EPB41L5: variants seen among roughly 807,000 people sequenced by gnomAD.
The protein encoded by EPB41L5 is band 4.1-like protein 5.
EPB41L5 carries 55 observed loss-of-function variants against 106.6 expected under a neutral mutation model. That is an observed-to-expected ratio of 0.52 (90% confidence interval 0.42 to 0.65). The LOEUF is 0.65. EPB41L5 is among the 30% of genes least tolerant of loss of function. The pLI is 0.00. For synonymous variants in EPB41L5, 297 were observed against 306.7 expected, an observed-to-expected ratio of 0.97 and a Z score of 0.33; for missense variants, 871 against 882.1, an observed-to-expected ratio of 0.99 and a Z score of 0.16.
intron 3 of EPB41L5, among the ~76,000 whole-genome samples, chr2:120,054,865 CTTTTT>C (rs34163490): frequency 1.5e-5 from 2 of 129,796 alleles, no homozygotes; most frequent in South Asian, 2.3e-4. Flanking sequence ...CATATATACA[CTTTTT>C]TTTTTTTTTT....
At chr2:120,084,975 A>G (rs1468238854) in intron 10 of EPB41L5, among the ~76,000 whole-genome samples, 1 of 152,130 alleles carries the variant, frequency 6.6e-6, no homozygotes, top group Non-Finnish European at 1.5e-5. Context: ...TTTCAGCTCC[A>G]TCAGGTCATT....
In EPB41L5 at chr2:120,052,846, A is replaced by G. The variant is rs115243812; in HGVS notation, c.285+10736A>G. Among the ~76,000 whole-genome samples, 1,161 of 152,354 alleles carry G rather than the reference A, an allele frequency of 7.6e-3. 17 individuals carry two copies. Among genetic ancestry groups the G allele is most frequent in the African/African-American group, 0.026 (1,071 of 41,586 alleles). ...CTCTCTCTCGAATACCATGAATACC[A>G]TAACTTCAACACCCATAAATAATTG... On this transcript the variant is annotated intron_variant, in intron 3 of 24. Transcript: ENST00000263713.
chr2:120,124,655 AT>A (rs1424016712), intron 16 of EPB41L5, among the ~76,000 whole-genome samples: 1 of 152,096 alleles, frequency 6.6e-6, no homozygotes, highest in East Asian at 1.9e-4. Context: ...ACCTATTAAG[AT>A]TTTCCCAAAT....
intron 1 of EPB41L5, among the ~76,000 whole-genome samples, chr2:120,014,127 G>A (rs1039596089): frequency 6.6e-6 from 1 of 152,122 alleles, no homozygotes; most frequent in African/African-American, 2.4e-5. Flanking sequence ...ACCTTAAATG[G>A]CATTTGCTGT....
At chr2:120,021,556 G>T (rs1574467998) in intron 2 of EPB41L5, among the ~76,000 whole-genome samples, 1 of 151,442 alleles carries the variant, frequency 6.6e-6, no homozygotes, top group African/African-American at 2.4e-5. Flanking sequence ...CAGGAGAATC[G>T]CTTGAACCCA....
chr2:120,087,980 T>C (rs1464816794), intron 11 of EPB41L5, among the ~76,000 whole-genome samples: 1 of 152,218 alleles, frequency 6.6e-6, no homozygotes, highest in Non-Finnish European at 1.5e-5. Context: ...TCCATTTATC[T>C]GATACTTTAG....
intron 23 of EPB41L5, 100 bp downstream of exon 23, chr2:120,167,607 T>A: frequency 1.5e-6 from 2 of 1,298,702 alleles, no homozygotes; most frequent in Non-Finnish European, 2.2e-6. Context: ...ACATGAGGGT[T>A]GTTATCAAAG....
chr2:120,029,024 A>C (rs757913030), intron 2 of EPB41L5, among the ~76,000 whole-genome samples: 10 of 152,186 alleles, frequency 6.6e-5, no homozygotes, highest in Non-Finnish European at 1.5e-4. Context: ...AAGTGCCTGA[A>C]GGGAAAACGC....
At chr2:120,018,742 G>A (rs191241318) in intron 1 of EPB41L5, among the ~76,000 whole-genome samples, 1 of 152,076 alleles carries the variant, frequency 6.6e-6, no homozygotes, top group Non-Finnish European at 1.5e-5. Flanking sequence ...GACTGCCTGG[G>A]GTCAAGTGAT....
intron 16 of EPB41L5, among the ~76,000 whole-genome samples, chr2:120,123,405 G>T (rs1558891595): frequency 6.6e-6 from 1 of 152,068 alleles, no homozygotes; most frequent in Non-Finnish European, 1.5e-5. Context: ...TTGATCACTT[G>T]TTTTAGAAAG....
intron 2 of EPB41L5, among the ~76,000 whole-genome samples, chr2:120,033,008 G>A (rs112849237): frequency 1.2e-3 from 179 of 152,220 alleles, no homozygotes; most frequent in Middle Eastern, 0.01. Flanking sequence ...GTATTGTTAA[G>A]TGCGTAATGA....
At chr2:120,151,859 G>A (rs916041231) in intron 20 of EPB41L5, among the ~76,000 whole-genome samples, 5 of 146,722 alleles carry the variant, frequency 3.4e-5, no homozygotes, top group East Asian at 2.1e-4. Flanking sequence ...TCAGGTAATC[G>A]GCCCGCCTCG....
Position 120,053,709 on chromosome 2 carries a change from CATTTT to C in EPB41L5, c.285+11604_285+11608del, listed in dbSNP as rs1377856325. Among the ~76,000 whole-genome samples, 13 of 152,234 alleles carry C rather than the reference CATTTT, an allele frequency of 8.5e-5. No homozygotes were observed. In the East Asian group the frequency reaches 2.5e-3, roughly 29 times the overall value. ...AATATTCTATTGTATGAATATATCACATTTTATTTACTCATCCATTGATGGACATT... is the reference window on the plus strand; with the variant it reads ...AATATTCTATTGTATGAATATATCACATTTACTCATCCATTGATGGACATT... On this transcript the variant is annotated intron_variant, in intron 3 of 24. Transcript: ENST00000263713.
chr2:120,076,916 G>A lies in EPB41L5; in HGVS notation c.506-55G>A, dbSNP rs973687950. 3 of 1,473,296 alleles carry A rather than the reference G, an allele frequency of 2.0e-6. No individual in the cohort carries two copies. The African/African-American group carries it at 4.3e-5, about 21-fold the overall frequency. 91.3% of individuals were successfully genotyped at this position (1,473,296 alleles called of 1,614,324 possible). On this transcript the variant is annotated intron_variant, in intron 7 of 24. Transcript: ENST00000263713. ...CTTAGCAGTTTTCATTAATGAAATG[G>A]TTTTTGAAGGATTTAGCAGGAAATA...
chr2:120,019,149 G>A lies in EPB41L5; in HGVS notation c.65G>A (p.Arg22Gln), dbSNP rs764171210. 13 of 1,613,842 alleles carry A rather than the reference G, an allele frequency of 8.1e-6. No homozygotes were observed. Among genetic ancestry groups the A allele is most frequent in the South Asian group, 2.2e-5 (2 of 91,056 alleles). The change falls in exon 2 of 25, where the codon CGA becomes CAA. Residue 22 changes from arginine (R) to glutamine (Q), a missense_variant. Transcript: ENST00000263713. ...ATGCGTAAACATGCAGAGAAGGAAC[G>A]ACTCCGAGAAGCACAACGCGCCGCC... ...RSMRKHAEKERLREAQRAATH... is the reference protein window; with the variant it reads ...RSMRKHAEKEQLREAQRAATH...
intron 3 of EPB41L5, among the ~76,000 whole-genome samples, chr2:120,069,128 CAAAAAAAAAAAAAAAAA>C (rs539813602): frequency 3.0e-4 from 24 of 79,554 alleles, no homozygotes; most frequent in South Asian, 9.8e-4. Context: ...AACTCTGTCT[CAAAAAAAAAAAAAAAAA>C]AAAAAAAAAA....
At position 120,060,516 on chromosome 2, in the gene EPB41L5, G is replaced by T. The variant is rs557775332; in HGVS notation, c.286-12662G>T. 3.3e-5 allele frequency among the ~76,000 whole-genome samples: 5 copies of T among 152,216 alleles called. No homozygotes were observed. The South Asian group carries it at 1.0e-3, about 32-fold the overall frequency. On this transcript the variant is annotated intron_variant, in intron 3 of 24. Coordinates refer to ENST00000263713, the MANE Select transcript of EPB41L5 (RefSeq NM_020909.4). The stretch of plus-strand genomic sequence containing the variant: ...ATAGGAAATAAAGCCAGTATCAAAA[G>T]GTTATATATTATATGATTCTATGTA...
At chr2:120,079,221 T>G (rs1682467372) in intron 10 of EPB41L5, among the ~76,000 whole-genome samples, 1 of 152,174 alleles carries the variant, frequency 6.6e-6, no homozygotes, top group Non-Finnish European at 1.5e-5. Context: ...CAAAGACCTC[T>G]GGCATCAAAC....
chr2:120,023,363 A>G (rs1678073050), intron 2 of EPB41L5, among the ~76,000 whole-genome samples: 1 of 151,982 alleles, frequency 6.6e-6, no homozygotes, highest in Non-Finnish European at 1.5e-5. Context: ...TTTGTGTAAG[A>G]TGTTAAGGAA....
Sources: allele counts gnomAD v4.1 joint callset (sites outside exome capture counted in the v4.1 genomes callset), GRCh38; gene constraint gnomAD v4.1.1; transcripts MANE v1.5; gene names NCBI Gene and HGNC (gene_info 2026-07-23, HGNC 2026-07-21).